MSI2: variants seen among roughly 807,000 people sequenced by gnomAD.
MSI2 encodes RNA-binding protein Musashi homolog 2.
In MSI2, 17 loss-of-function variants were observed where a neutral mutation model predicts 45.6. The ratio of observed to expected loss-of-function variants is 0.37; its 90% CI spans 0.26 to 0.56. MSI2 has a LOEUF of 0.56. Ranked by LOEUF, MSI2 falls within the 20% of genes least tolerant of loss-of-function variation. The pLI is 0.77. For missense variants in MSI2, 293 were observed against 444.2 expected, an observed-to-expected ratio of 0.66 and a Z score of 3.06; for synonymous variants, 156 against 158.2, an observed-to-expected ratio of 0.99 and a Z score of 0.11.
chr17:57,591,799 CGGGT>C (rs1033180693), intron 7 of MSI2, among the ~76,000 whole-genome samples: 1 of 149,404 alleles, frequency 6.7e-6, no homozygotes, highest in African/African-American at 2.5e-5. Context: ...AGTTATTTAA[CGGGT>C]ACAGAAAAGG....
chr17:57,306,523 A>C (rs563432272), intron 5 of MSI2, among the ~76,000 whole-genome samples: 1 of 152,132 alleles, frequency 6.6e-6, no homozygotes, highest in African/African-American at 2.4e-5. Flanking sequence ...GGGTTCTGCA[A>C]CTTGCTCAAA....
chr17:57,262,778 G>A (rs1907437441), intron 5 of MSI2, among the ~76,000 whole-genome samples: 1 of 152,200 alleles, frequency 6.6e-6, no homozygotes, highest in African/African-American at 2.4e-5. Context: ...TGAAAATGTT[G>A]TAACCTTGTA....
At chr17:57,374,906 CCTG>C (rs1424245857) in intron 5 of MSI2, among the ~76,000 whole-genome samples, 1 of 152,156 alleles carries the variant, frequency 6.6e-6, no homozygotes, top group Admixed American at 6.5e-5. Flanking sequence ...ACTAGTCTTG[CCTG>C]CTATGGGAAT....
chr17:57,447,382 G>A (rs1322731640), intron 6 of MSI2, among the ~76,000 whole-genome samples: 1 of 152,220 alleles, frequency 6.6e-6, no homozygotes, highest in Non-Finnish European at 1.5e-5. Context: ...GGGTTTACAG[G>A]CGCAAGCCAC....
chr17:57,340,173 T>C (rs764581965), intron 5 of MSI2, among the ~76,000 whole-genome samples: 13 of 152,146 alleles, frequency 8.5e-5, no homozygotes, highest in Non-Finnish European at 2.9e-5. Flanking sequence ...AGAAAGGTAT[T>C]ATTCTTACCT....
At chr17:57,570,494 A>G (rs1215449898) in intron 7 of MSI2, among the ~76,000 whole-genome samples, 2 of 152,176 alleles carry the variant, frequency 1.3e-5, no homozygotes, top group African/African-American at 2.4e-5. Flanking sequence ...CTATGATGAG[A>G]ACAGGGGTCT....
At chr17:57,510,014 G>C (rs2086317034) in intron 6 of MSI2, among the ~76,000 whole-genome samples, 1 of 152,092 alleles carries the variant, frequency 6.6e-6, no homozygotes, top group Non-Finnish European at 1.5e-5. Context: ...TGGGGCATGG[G>C]AGGCAGAAAG....
At chr17:57,642,286 A>G (rs1351833574) in intron 10 of MSI2, among the ~76,000 whole-genome samples, 2 of 152,172 alleles carry the variant, frequency 1.3e-5, no homozygotes, top group East Asian at 3.9e-4. Context: ...CAATACCTCC[A>G]TTTTCTTTCT....
chr17:57,657,810 C>T (rs1340171070), intron 11 of MSI2, among the ~76,000 whole-genome samples: 1 of 152,142 alleles, frequency 6.6e-6, no homozygotes, highest in Non-Finnish European at 1.5e-5. Flanking sequence ...GTCAGTTGTA[C>T]CATAAGCTTT....
intron 13 of MSI2, among the ~76,000 whole-genome samples, chr17:57,678,265 T>C (rs1290982990): frequency 6.6e-6 from 1 of 152,226 alleles, no homozygotes. Flanking sequence ...CTGCCTCTCT[T>C]AACCAAATAA....
intron 5 of MSI2, among the ~76,000 whole-genome samples, chr17:57,295,056 G>A (rs946600517): frequency 6.6e-6 from 1 of 152,166 alleles, no homozygotes; most frequent in East Asian, 1.9e-4. Flanking sequence ...AGAGGAAGTG[G>A]CATTTGGCTT....
chr17:57,480,717 C>T (rs1278355351), intron 6 of MSI2, among the ~76,000 whole-genome samples: 1 of 152,140 alleles, frequency 6.6e-6, no homozygotes, highest in East Asian at 1.9e-4. Context: ...TCAGAATTGC[C>T]ACCTTCTACC....
In MSI2 at chr17:57,439,666, C is replaced by G. The variant is rs974812776; in HGVS notation, c.405+38195C>G. 4.0e-5 allele frequency among the ~76,000 whole-genome samples: 6 copies of G among 151,380 alleles called. No homozygotes were observed. In the South Asian group the frequency reaches 1.3e-3, roughly 32 times the overall value. On this transcript the variant is annotated intron_variant, in intron 6 of 13. Transcript: ENST00000284073. ...CTCTGCCTCCCGGGTTCAAGTGATTCTCCTGCCTCAGCCTCCTGAGTAGCT... is the reference window on the plus strand; with the variant it reads ...CTCTGCCTCCCGGGTTCAAGTGATTGTCCTGCCTCAGCCTCCTGAGTAGCT...
chr17:57,310,790 A>G (rs1912332258), intron 5 of MSI2, among the ~76,000 whole-genome samples: 12 of 152,176 alleles, frequency 7.9e-5, no homozygotes, highest in Admixed American at 7.9e-4. Context: ...TGCTGTGCAG[A>G]TAGAGGTTGG....
intron 7 of MSI2, among the ~76,000 whole-genome samples, chr17:57,550,464 C>T (rs2087277597): frequency 6.6e-6 from 1 of 152,232 alleles, no homozygotes; most frequent in Admixed American, 6.5e-5. Context: ...AGCTGTTCCT[C>T]ACACACTGTG....
At chr17:57,388,043 C>T (rs2083715672) in intron 5 of MSI2, among the ~76,000 whole-genome samples, 1 of 152,222 alleles carries the variant, frequency 6.6e-6, no homozygotes, top group Non-Finnish European at 1.5e-5. Context: ...TCAGCCTGCT[C>T]AGGGCACTGG....
intron 6 of MSI2, chr17:57,450,289 A>AGAGAGAGAGAGAGAG (rs2084984628): frequency 1.5e-5 from 1 of 68,746 alleles, no homozygotes; most frequent in African/African-American, 3.2e-5. Flanking sequence ...GAAAGAAAGA[A>AGAGAGAGAGAGAGAG]AGAAAGAAAG....
intron 7 of MSI2, among the ~76,000 whole-genome samples, chr17:57,581,660 G>A (rs543939601): frequency 1.3e-5 from 2 of 152,136 alleles, no homozygotes; most frequent in African/African-American, 4.8e-5. Context: ...GGTGAACCCC[G>A]AAGAACACTT....
Position 57,659,737 on chromosome 17 carries a change from TAATAA to T in MSI2, c.790+7589_790+7593del, listed in dbSNP as rs566107413. Among the ~76,000 whole-genome samples, 747 of 151,976 alleles carry T rather than the reference TAATAA, an allele frequency of 4.9e-3. 2 individuals are homozygous for T. Among genetic ancestry groups the T allele is most frequent in the African/African-American group, 0.017 (701 of 41,428 alleles). ...AGGAATAAAGACCATGTAGGAAAAA[TAATAA>T]AATAAAATAAAAGCCCATGTAGGGA... On this transcript the variant is annotated intron_variant, in intron 11 of 13. Coordinates refer to ENST00000284073, the MANE Select transcript of MSI2 (RefSeq NM_138962.4).
Sources: allele counts gnomAD v4.1 joint callset (sites outside exome capture counted in the v4.1 genomes callset), GRCh38; gene constraint gnomAD v4.1.1; transcripts MANE v1.5; gene names NCBI Gene and HGNC (gene_info 2026-07-23, HGNC 2026-07-21).